The following ADGRL2 variants were observed in gnomAD, a reference collection of about 807,000 sequenced individuals.
ADGRL2 encodes calcium-independent alpha-latrotoxin receptor 2.
In ADGRL2, 44 loss-of-function variants were observed where a neutral mutation model predicts 157.4. That is an observed-to-expected ratio of 0.28 (90% CI 0.22 to 0.36). ADGRL2 has a LOEUF of 0.36. Among genes scored for constraint, ADGRL2 ranks in the 10% least tolerant of loss-of-function variants. The pLI, the probability that ADGRL2 is intolerant of heterozygous loss-of-function variation, is 1.00. For missense variants in ADGRL2, 1,510 were observed against 1,768.9 expected, an observed-to-expected ratio of 0.85 and a Z score of 2.63; for synonymous variants, 585 against 624.7, an observed-to-expected ratio of 0.94 and a Z score of 0.95.
At chr1:81,615,414 C>T (rs368951827) in intron 3 of ADGRL2, among the ~76,000 whole-genome samples, 7 of 152,220 alleles carry the variant, frequency 4.6e-5, no homozygotes, top group Non-Finnish European at 7.3e-5. Context: ...CTGCTGCTCA[C>T]TCTTTGGGTC....
chr1:81,449,549 C>T (rs1409269277), intron 2 of ADGRL2, among the ~76,000 whole-genome samples: 1 of 152,152 alleles, frequency 6.6e-6, no homozygotes, highest in Admixed American at 6.5e-5. Flanking sequence ...AATTCATTCA[C>T]TTCAGAGAGA....
At chr1:81,735,488 G>A (rs985174835) in intron 1 of ADGRL2, among the ~76,000 whole-genome samples, 1 of 151,872 alleles carries the variant, frequency 6.6e-6, no homozygotes, top group African/African-American at 2.4e-5. Context: ...AAGAAACTGA[G>A]GCTTAAAGAG....
At chr1:81,894,513 C>G (rs1479149322) in intron 2 of ADGRL2, among the ~76,000 whole-genome samples, 1 of 152,012 alleles carries the variant, frequency 6.6e-6, no homozygotes, top group Non-Finnish European at 1.5e-5. Context: ...TTTTGGAAAT[C>G]TATCTTTATA....
chr1:81,363,076 G>T (rs1487594294), intron 1 of ADGRL2, among the ~76,000 whole-genome samples: 1 of 151,882 alleles, frequency 6.6e-6, no homozygotes, highest in African/African-American at 2.4e-5. Context: ...TATCTATGTT[G>T]ATATACTGGT....
chr1:81,462,498 G>A (rs894898745), intron 2 of ADGRL2, among the ~76,000 whole-genome samples: 3 of 152,056 alleles, frequency 2.0e-5, no homozygotes, highest in Admixed American at 6.6e-5. Flanking sequence ...AGGGAGGGAG[G>A]GAGGGAGACA....
chr1:81,472,812 A>G (rs1474162644), intron 2 of ADGRL2, among the ~76,000 whole-genome samples: 5 of 152,146 alleles, frequency 3.3e-5, no homozygotes, highest in Admixed American at 6.5e-5. Flanking sequence ...CTTTAAGAAG[A>G]TTCTTTTTCT....
intron 1 of ADGRL2, among the ~76,000 whole-genome samples, chr1:81,313,396 C>T (rs7546734): frequency 0.45 from 67,734 of 152,010 alleles, 15,477 homozygotes; most frequent in Middle Eastern, 0.55. Context: ...CATTTTCACC[C>T]AATTCTGCTT....
At chr1:81,577,326 C>T (rs1410713169) in intron 2 of ADGRL2, among the ~76,000 whole-genome samples, 1 of 152,204 alleles carries the variant, frequency 6.6e-6, no homozygotes. Context: ...TCCCCTTCTA[C>T]TCTTGTACTC....
intron 1 of ADGRL2, among the ~76,000 whole-genome samples, chr1:81,322,299 T>G (rs998957096): frequency 2.0e-5 from 3 of 151,724 alleles, no homozygotes; most frequent in African/African-American, 7.3e-5. Context: ...TTTTGTACAT[T>G]GAATGTGATC....
intron 1 of ADGRL2, among the ~76,000 whole-genome samples, chr1:81,440,372 G>A (rs2077485889): frequency 6.6e-6 from 1 of 152,188 alleles, no homozygotes; most frequent in Non-Finnish European, 1.5e-5. Context: ...GAAGTGCTCT[G>A]TGAAGGATGA....
At chr1:81,441,389 G>A (rs1264180756) in intron 1 of ADGRL2, among the ~76,000 whole-genome samples, 2 of 152,124 alleles carry the variant, frequency 1.3e-5, no homozygotes, top group Non-Finnish European at 2.9e-5. Context: ...AACATCATCA[G>A]TGTTCCTAAT....
chr1:81,443,090 A>G (rs751405640), intron 1 of ADGRL2, among the ~76,000 whole-genome samples: 1 of 152,206 alleles, frequency 6.6e-6, no homozygotes, highest in Non-Finnish European at 1.5e-5. Flanking sequence ...AAATGTATAA[A>G]TGATTAGCCC....
chr1:81,884,208 A>G (rs902286769), intron 2 of ADGRL2, among the ~76,000 whole-genome samples: 3 of 151,898 alleles, frequency 2.0e-5, no homozygotes, highest in Non-Finnish European at 4.4e-5. Flanking sequence ...CTGGTCTTGA[A>G]CTCCTGAGCT....
intron 1 of ADGRL2, among the ~76,000 whole-genome samples, chr1:81,401,874 G>T (rs1009082089): frequency 6.6e-6 from 1 of 152,072 alleles, no homozygotes; most frequent in African/African-American, 2.4e-5. Context: ...TATATATTCT[G>T]TTTATATACC....
chr1:81,729,618 C>G (rs1253837535), intron 1 of ADGRL2, among the ~76,000 whole-genome samples: 1 of 151,978 alleles, frequency 6.6e-6, no homozygotes, highest in Non-Finnish European at 1.5e-5. Flanking sequence ...TATATTTTCC[C>G]CCTTCAATTC....
intron 3 of ADGRL2, among the ~76,000 whole-genome samples, chr1:81,659,135 C>T (rs536679284): frequency 6.9e-6 from 1 of 144,510 alleles, no homozygotes; most frequent in East Asian, 2.1e-4. Context: ...AATTTCAGCT[C>T]ACTGCAACCT....
chr1:81,398,165 T>C (rs2076690336), intron 1 of ADGRL2, among the ~76,000 whole-genome samples: 1 of 152,198 alleles, frequency 6.6e-6, no homozygotes, highest in African/African-American at 2.4e-5. Context: ...ATGGAATATC[T>C]TTTTCCATCC....
intron 1 of ADGRL2, among the ~76,000 whole-genome samples, chr1:81,406,956 T>A (rs913061326): frequency 6.6e-5 from 10 of 150,630 alleles, no homozygotes; most frequent in African/African-American, 2.5e-4. Context: ...GGTGTTTTAA[T>A]TTTTTTATTT....
upstream of ADGRL2, chr1:81,800,488 A>T (rs2087869077): frequency 6.6e-6 from 1 of 151,830 alleles, no homozygotes; most frequent in African/African-American, 2.4e-5. Context: ...CGGTGCGTGG[A>T]GAAAAGAGAA....
Sources: allele counts gnomAD v4.1 joint callset (sites outside exome capture counted in the v4.1 genomes callset), GRCh38; gene constraint gnomAD v4.1.1; transcripts MANE v1.5; gene names NCBI Gene and HGNC (gene_info 2026-07-23, HGNC 2026-07-21).